The following GATA4 variants were observed in gnomAD, a reference collection of about 807,000 sequenced individuals.
The protein encoded by GATA4 is GATA binding protein 4, also known as transcription factor GATA-4.
Under a neutral mutation model 37.9 loss-of-function variants are expected in GATA4, and 7 were observed. The observed-to-expected ratio is 0.18, with a 90% CI of 0.11 to 0.35. GATA4 has a LOEUF of 0.35. Among genes scored for constraint, GATA4 ranks in the 10% least tolerant of loss-of-function variants. The probability of loss-of-function intolerance (pLI) is 1.00; values close to 1 mark genes in which losing one functional copy is unlikely to be tolerated. For missense variants in GATA4, 647 were observed against 653.0 expected (o/e 0.99, Z 0.10); for synonymous variants, 372 against 292.6 (o/e 1.27, Z -2.77).
intron 6 of GATA4, among the ~76,000 whole-genome samples, chr8:11,757,482 C>T (rs554587785): frequency 1.5e-4 from 23 of 152,300 alleles, no homozygotes; most frequent in Admixed American, 5.9e-4. Flanking sequence ...CGAGGGGAGG[C>T]GTGGTTGCGC....
At chr8:11,713,525 G>T (rs960289824) in intron 2 of GATA4, among the ~76,000 whole-genome samples, 1 of 151,944 alleles carries the variant, frequency 6.6e-6, no homozygotes, top group Non-Finnish European at 1.5e-5. Context: ...GATGGAAGAG[G>T]GTTCTGGAAA....
chr8:11,694,661 C>G (rs1218073320), intron 1 of GATA4: 1 of 310,596 alleles, frequency 3.2e-6, no homozygotes, highest in African/African-American at 2.3e-5. Flanking sequence ...GTGTTGTTTT[C>G]TTAGTGTTGG....
intron 1 of GATA4, chr8:11,697,861 T>A (rs997232375): frequency 1.0e-6 from 1 of 985,424 alleles, no homozygotes; most frequent in Non-Finnish European, 1.2e-6. Flanking sequence ...GGGAGCGGCC[T>A]TTGCGGAAAC....
intron 2 of GATA4, among the ~76,000 whole-genome samples, chr8:11,714,350 T>G (rs549345160): frequency 3.3e-5 from 5 of 152,332 alleles, no homozygotes; most frequent in African/African-American, 1.2e-4. Flanking sequence ...GCATTCAAGG[T>G]GTTCTCAGAG....
At chr8:11,756,380 TCCCCTGG>T in intron 5 of GATA4, 1 of 174,654 alleles carries the variant, frequency 5.7e-6, no homozygotes, top group East Asian at 1.5e-4. Flanking sequence ...GTCCCCTATG[TCCCCTGG>T]GTAACCTTAT....
At chr8:11,680,914 A>G (rs1798947440) in intron 1 of GATA4, 2 of 985,228 alleles carry the variant, frequency 2.0e-6, no homozygotes, top group Non-Finnish European at 2.4e-6. Context: ...GAGGCCAAGG[A>G]TCACAGTAGG....
At chr8:11,690,155 A>T (rs1563188420), upstream of GATA4, among the ~76,000 whole-genome samples, 1 of 152,212 alleles carries the variant, frequency 6.6e-6, no homozygotes, top group East Asian at 1.9e-4. Flanking sequence ...CCAATGGAGG[A>T]TGAAGGTGTG....
intron 4 of GATA4, among the ~76,000 whole-genome samples, chr8:11,751,059 T>C (rs1004366206): frequency 2.6e-5 from 4 of 152,212 alleles, no homozygotes; most frequent in African/African-American, 9.6e-5. Context: ...TGGGAGAACT[T>C]CTTAAACAAG....
chr8:11,726,663 C>A (rs1222761961), intron 2 of GATA4, among the ~76,000 whole-genome samples: 1 of 152,112 alleles, frequency 6.6e-6, no homozygotes. Context: ...CTCTGCAGAG[C>A]TGCCTTCTGA....
At chr8:11,704,026 G>A (rs545156344), upstream of GATA4, 1 of 152,332 alleles carries the variant, frequency 6.6e-6, no homozygotes, top group Non-Finnish European at 1.5e-5. Context: ...TTTCCGCGGA[G>A]ACCCCAGAGC....
intron 6 of GATA4, 63 bp downstream of exon 6, chr8:11,757,146 G>A: frequency 6.2e-7 from 1 of 1,602,992 alleles, no homozygotes; most frequent in Non-Finnish European, 8.5e-7. Context: ...AGTCCCAGAG[G>A]CCAGCCTAGT....
In GATA4 at chr8:11,707,689, A is replaced by G. The variant is rs1799955826; in HGVS notation, c.-457-167A>G. Among the ~76,000 whole-genome samples, 1 of 152,120 alleles carries G rather than the reference A, an allele frequency of 6.6e-6. No homozygotes were observed. Among genetic ancestry groups the G allele is most frequent in the Non-Finnish European group, 1.5e-5 (1 of 68,004 alleles). ...GGCCGCCTGACCCAACGCCTGGACAAAACAAAGGCCCCTGCTTCCCGGCAC... is the reference window on the plus strand; with the variant it reads ...GGCCGCCTGACCCAACGCCTGGACAGAACAAAGGCCCCTGCTTCCCGGCAC... On this transcript the variant is annotated intron_variant, in intron 1 of 6. Transcript: ENST00000532059. This position sits in a 1 kb window ranked among gnomAD's most constrained non-coding sequence, Gnocchi z 4.7.
At position 11,682,131 on chromosome 8, in the gene GATA4, T is replaced by C. The variant is rs796294929; in HGVS notation, c.-274+5068T>C. Among the ~76,000 whole-genome samples the C allele has an allele frequency of 2.2e-4, 33 of 152,354 alleles. 1 individual carries two copies. Among genetic ancestry groups the C allele is most frequent in the African/African-American group, 7.9e-4 (33 of 41,584 alleles). On this transcript the variant is annotated intron_variant, in intron 1 of 6. Transcript: ENST00000528712. Reference sequence around the variant, plus strand: ...GTTTTTACCTCTAACTAATGGCACATTTTAAATAATTTTCCAAGCACTAGG... The same window carrying C: ...GTTTTTACCTCTAACTAATGGCACACTTTAAATAATTTTCCAAGCACTAGG...
chr8:11,714,419 C>G (rs1019182185), intron 2 of GATA4, among the ~76,000 whole-genome samples: 3 of 152,310 alleles, frequency 2.0e-5, no homozygotes, highest in East Asian at 1.9e-4. Flanking sequence ...CTTTTGGGAC[C>G]TGCTTATCAA....
At chr8:11,741,174 C>A (rs11988920) in intron 2 of GATA4, among the ~76,000 whole-genome samples, 17,720 of 152,120 alleles carry the variant, frequency 0.12, 3,010 homozygotes, top group African/African-American at 0.38. Flanking sequence ...TTTTGTTTCA[C>A]TTGTTTCAAG....
chr8:11,731,895 A>G (rs145902217), intron 2 of GATA4, among the ~76,000 whole-genome samples: 1 of 152,222 alleles, frequency 6.6e-6, no homozygotes, highest in Admixed American at 6.5e-5. Context: ...AGGTAGAACT[A>G]GCCATCCAGA....
intron 2 of GATA4, among the ~76,000 whole-genome samples, chr8:11,731,277 TG>T (rs1801196116): frequency 6.6e-6 from 1 of 152,208 alleles, no homozygotes; most frequent in Non-Finnish European, 1.5e-5. Context: ...CTTGTAAAAA[TG>T]AGCGCATTAT....
At chr8:11,725,005 G>T (rs1006108720) in intron 2 of GATA4, among the ~76,000 whole-genome samples, 2 of 152,222 alleles carry the variant, frequency 1.3e-5, no homozygotes, top group African/African-American at 4.8e-5. Flanking sequence ...GGCTGGGGGT[G>T]GGTCATCCTG....
chr8:11,695,347 G>A (rs934320547), intron 1 of GATA4, among the ~76,000 whole-genome samples: 5 of 152,012 alleles, frequency 3.3e-5, no homozygotes, highest in African/African-American at 9.7e-5. Context: ...CAGAGGTTGC[G>A]GTGAGCCAAG....
Sources: allele counts gnomAD v4.1 joint callset (sites outside exome capture counted in the v4.1 genomes callset), GRCh38; gene constraint gnomAD v4.1.1; non-coding constraint Gnocchi (gnomAD v3.1); transcripts MANE v1.5; gene names NCBI Gene and HGNC (gene_info 2026-07-23, HGNC 2026-07-21).